The following TENM2 variants were observed in gnomAD, a reference collection of about 807,000 sequenced individuals.
TENM2 encodes teneurin-2.
A neutral mutation model predicts 245.2 loss-of-function variants in TENM2; 52 were observed. That is an observed-to-expected ratio of 0.21 (90% CI 0.17 to 0.27). The LOEUF (loss-of-function observed/expected upper bound fraction) is 0.27, where lower values mean the gene tolerates loss of function less well. Among genes scored for constraint, TENM2 ranks in the 10% least tolerant of loss-of-function variants. TENM2 has a pLI of 1.00. For synonymous variants in TENM2, 1,363 were observed against 1,438.9 expected (o/e 0.95, Z 1.19); for missense variants, 3,046 against 3,666.8 (o/e 0.83, Z 4.37).
At chr5:168,011,868 T>C (rs1397187379) in intron 5 of TENM2, among the ~76,000 whole-genome samples, 1 of 152,236 alleles carries the variant, frequency 6.6e-6, no homozygotes, top group East Asian at 1.9e-4. Flanking sequence ...ACCTACTATG[T>C]GCAGAAACTT....
At chr5:167,954,001 G>GA (rs1780330943) in intron 4 of TENM2, among the ~76,000 whole-genome samples, 1 of 152,016 alleles carries the variant, frequency 6.6e-6, no homozygotes, top group Non-Finnish European at 1.5e-5. Flanking sequence ...TTTATTAAGA[G>GA]AAACTAAAAG....
At chr5:167,997,554 A>C (rs1784145331) in intron 5 of TENM2, among the ~76,000 whole-genome samples, 1 of 152,234 alleles carries the variant, frequency 6.6e-6, no homozygotes, top group South Asian at 2.1e-4. Flanking sequence ...TGTGCTACTT[A>C]GTGACAGCTG....
At chr5:167,451,835 G>A (rs932888826) in intron 2 of TENM2, among the ~76,000 whole-genome samples, 14 of 152,162 alleles carry the variant, frequency 9.2e-5, no homozygotes, top group Admixed American at 7.2e-4. Context: ...ATTTTTAGTA[G>A]AGACAGGGTT....
chr5:168,115,408 G>GGAAGGAAGGAAGGTA (rs1458782856), intron 9 of TENM2, among the ~76,000 whole-genome samples: 1 of 122,874 alleles, frequency 8.1e-6, no homozygotes, highest in Non-Finnish European at 1.7e-5. Context: ...AAGGAAGGAA[G>GGAAGGAAGGAAGGTA]GGAAAGGAAA....
At chr5:167,245,502 C>A in the TENM2 span, among the ~76,000 whole-genome samples, 1 of 141,744 alleles carries the variant, frequency 7.1e-6, no homozygotes, top group East Asian at 2.3e-4. Flanking sequence ...ACCCAGCCAG[C>A]CTTTTCTTTT....
chr5:167,415,912 A>G (rs1408681621), intron 2 of TENM2, among the ~76,000 whole-genome samples: 1 of 152,168 alleles, frequency 6.6e-6, no homozygotes, highest in Admixed American at 6.6e-5. Context: ...GGATCAGTAC[A>G]GTGAGAAGAG....
chr5:167,655,760 A>G (rs1286507826), intron 2 of TENM2, among the ~76,000 whole-genome samples: 1 of 152,210 alleles, frequency 6.6e-6, no homozygotes, highest in Non-Finnish European at 1.5e-5. Context: ...ATCAGCAAAC[A>G]AATTGGACTG....
At chr5:168,163,076 C>A (rs962747364) in intron 13 of TENM2, among the ~76,000 whole-genome samples, 2 of 152,190 alleles carry the variant, frequency 1.3e-5, no homozygotes, top group Non-Finnish European at 2.9e-5. Flanking sequence ...GGATAACAGT[C>A]GGTGACAATG....
chr5:167,053,413 G>A, the TENM2 span, among the ~76,000 whole-genome samples: 3 of 152,152 alleles, frequency 2.0e-5, no homozygotes, highest in African/African-American at 7.2e-5. Context: ...GGAATGAATA[G>A]ATTCACTGTT....
chr5:168,079,748 G>A (rs1221016956), intron 7 of TENM2, among the ~76,000 whole-genome samples: 1 of 152,224 alleles, frequency 6.6e-6, no homozygotes, highest in Non-Finnish European at 1.5e-5. Context: ...ATTTGCATAT[G>A]TTGAACCAGC....
At chr5:166,981,141 C>T in the TENM2 span, among the ~76,000 whole-genome samples, 1 of 152,154 alleles carries the variant, frequency 6.6e-6, no homozygotes, top group Non-Finnish European at 1.5e-5. Context: ...TGTTCTGGGT[C>T]CCCTGTGTTG....
intron 2 of TENM2, among the ~76,000 whole-genome samples, chr5:167,492,829 G>T (rs1372482470): frequency 1.3e-5 from 2 of 151,982 alleles, no homozygotes; most frequent in Admixed American, 6.6e-5. Flanking sequence ...GAATGTTCAG[G>T]AAGGCAGATT....
Position 167,778,598 on chromosome 5 carries a change from T to A in TENM2, c.503-97388T>A, listed in dbSNP as rs114156400. Among the ~76,000 whole-genome samples, 675 of 152,256 alleles carry A rather than the reference T, an allele frequency of 4.4e-3. 8 individuals are homozygous for A. Among genetic ancestry groups the A allele is most frequent in the African/African-American group, 0.015 (636 of 41,540 alleles). On this transcript the variant is annotated intron_variant, in intron 2 of 28. Coordinates refer to ENST00000518659, the Ensembl canonical transcript of TENM2. ...GAATTTCATATAGTCCTTTAATCCT[T>A]ATAAGAATGATTTCCCACAGTCTCA... is the stretch of plus-strand genomic sequence containing the variant.
At chr5:167,976,699 A>G (rs1269918484) in intron 4 of TENM2, among the ~76,000 whole-genome samples, 2 of 152,184 alleles carry the variant, frequency 1.3e-5, no homozygotes, top group Non-Finnish European at 2.9e-5. Context: ...TTATACCCAA[A>G]CTCAATTATC....
the TENM2 span, among the ~76,000 whole-genome samples, chr5:167,145,013 G>A: frequency 6.6e-6 from 1 of 152,034 alleles, no homozygotes; most frequent in Non-Finnish European, 1.5e-5. Flanking sequence ...GCATTCCTCG[G>A]CCCATGTGAC....
intron 2 of TENM2, among the ~76,000 whole-genome samples, chr5:167,746,571 A>T (rs1044489377): frequency 6.6e-6 from 1 of 151,992 alleles, no homozygotes; most frequent in African/African-American, 2.4e-5. Flanking sequence ...TGAGAGCTTC[A>T]ATTATTTAAG....
the TENM2 span, among the ~76,000 whole-genome samples, chr5:167,027,731 AG>A: frequency 6.6e-6 from 1 of 152,200 alleles, no homozygotes; most frequent in Non-Finnish European, 1.5e-5. Flanking sequence ...TTACAGGCAA[AG>A]ATTAGCAATA....
chr5:167,250,241 A>G, the TENM2 span, among the ~76,000 whole-genome samples: 2 of 152,122 alleles, frequency 1.3e-5, no homozygotes, highest in African/African-American at 2.4e-5. Flanking sequence ...GGATCACTTG[A>G]GCCCCAGAGA....
intron 14 of TENM2, 82 bp downstream of exon 16, chr5:168,190,629 CG>C: frequency 1.5e-6 from 2 of 1,328,630 alleles, no homozygotes; most frequent in East Asian, 2.5e-5. Context: ...CCAGCTTTCC[CG>C]GGGACCCAAT....
Sources: allele counts gnomAD v4.1 joint callset (sites outside exome capture counted in the v4.1 genomes callset), GRCh38; gene constraint gnomAD v4.1.1; transcripts MANE v1.5; gene names NCBI Gene and HGNC (gene_info 2026-07-23, HGNC 2026-07-21).